The following ITGA9 variants were observed in gnomAD, a reference collection of about 807,000 sequenced individuals.
ITGA9 encodes the protein integrin subunit alpha 9, also known as integrin alpha-9.
In ITGA9, 56 loss-of-function variants were observed where a neutral mutation model predicts 127.8. That is an observed-to-expected ratio of 0.44 (90% CI 0.35 to 0.55). ITGA9 has a LOEUF of 0.55. Ranked by LOEUF, ITGA9 falls within the 20% of genes least tolerant of loss-of-function variation. The pLI, the probability that ITGA9 is intolerant of heterozygous loss-of-function variation, is 0.00. For missense variants in ITGA9, 1,196 were observed against 1,347.1 expected, an observed-to-expected ratio of 0.89 and a Z score of 1.76; for synonymous variants, 508 against 514.5, an observed-to-expected ratio of 0.99 and a Z score of 0.17.
intron 15 of ITGA9, among the ~76,000 whole-genome samples, chr3:37,588,910 A>G (rs1699786278): frequency 6.6e-6 from 1 of 152,180 alleles, no homozygotes; most frequent in African/African-American, 2.4e-5. Flanking sequence ...ATTCTGGAGC[A>G]TGAGGACCCA....
Position 37,821,048 on chromosome 3 carries a change from T to C in ITGA9, c.*2059T>C, listed in dbSNP as rs1697508546. 6.6e-6 allele frequency: 1 copy of C among 152,206 alleles called. No homozygotes were observed. Among genetic ancestry groups the C allele is most frequent in the Non-Finnish European group, 1.5e-5 (1 of 68,038 alleles). The allele number at this position is 152,206 out of a possible 1,614,324, so 9.4% of individuals were successfully genotyped here. Reference sequence around the variant, plus strand: ...AGCAGGTGTGTCTTTTGGTTTCTTATGCAGTTGACTCTGCTGCAGGGAGAT... The same window carrying C: ...AGCAGGTGTGTCTTTTGGTTTCTTACGCAGTTGACTCTGCTGCAGGGAGAT... On this transcript the variant is annotated 3_prime_UTR_variant, in exon 28 of 28. Transcript: ENST00000264741.
At chr3:37,609,248 G>A (rs1322943753) in intron 15 of ITGA9, among the ~76,000 whole-genome samples, 2 of 152,058 alleles carry the variant, frequency 1.3e-5, no homozygotes, top group African/African-American at 4.8e-5. Context: ...CTTTAATAGG[G>A]AAGGGTTTCT....
chr3:37,524,070 C>T lies in ITGA9; in HGVS notation c.1327+459C>T, dbSNP rs912986947. The stretch of plus-strand genomic sequence containing the variant: ...GTTAAAAGAAAACCAAGTCCTCTTG[C>T]GTGTGGACAAAGCAGACCTTCACCA... On this transcript the variant is annotated intron_variant, in intron 12 of 27. Transcript: ENST00000264741. Among the ~76,000 whole-genome samples, 7 of 152,120 alleles carry T rather than the reference C, an allele frequency of 4.6e-5. 1 individual carries two copies. The highest frequency in any genetic ancestry group is 3.9e-4 in the East Asian group (2 of 5,188).
At chr3:37,555,726 G>T (rs1699424602) in intron 15 of ITGA9, among the ~76,000 whole-genome samples, 1 of 152,208 alleles carries the variant, frequency 6.6e-6, no homozygotes, top group Non-Finnish European at 1.5e-5. Context: ...AGTTGCAAGT[G>T]TACCATGGAA....
chr3:37,600,353 T>C lies in ITGA9; in HGVS notation c.1690-28834T>C, dbSNP rs140137238. 4.2e-3 allele frequency among the ~76,000 whole-genome samples: 633 copies of C among 152,284 alleles called. 10 individuals carry two copies. Among genetic ancestry groups the C allele is most frequent in the African/African-American group, 0.014 (585 of 41,558 alleles). ...TCTGGTTATAGATTCTTAAGTGGGA[T>C]GTCAAGCCCCTTCCCTAATGATCTC... On this transcript the variant is annotated intron_variant, in intron 15 of 27. Transcript: ENST00000264741.
At chr3:37,633,602 A>G (rs1006718941) in intron 16 of ITGA9, among the ~76,000 whole-genome samples, 1 of 152,242 alleles carries the variant, frequency 6.6e-6, no homozygotes, top group Admixed American at 6.5e-5. Context: ...GACCTAAAGA[A>G]TATTTGAACT....
intron 5 of ITGA9, among the ~76,000 whole-genome samples, chr3:37,499,687 C>T (rs1455569008): frequency 6.6e-6 from 1 of 152,140 alleles, no homozygotes; most frequent in Admixed American, 6.5e-5. Context: ...CAGCCTCAGC[C>T]CTGAGGGTCG....
intron 15 of ITGA9, among the ~76,000 whole-genome samples, chr3:37,621,130 G>T (rs9874656): frequency 0.5 from 75,757 of 151,982 alleles, 19,476 homozygotes; most frequent in East Asian, 0.67. Context: ...GTCTCATGAG[G>T]TCTGATGCTT....
chr3:37,576,005 C>T (rs1213831024), intron 15 of ITGA9, among the ~76,000 whole-genome samples: 3 of 152,226 alleles, frequency 2.0e-5, no homozygotes, highest in African/African-American at 7.2e-5. Context: ...TGATGATTCT[C>T]AGAAGAAGCC....
intron 15 of ITGA9, among the ~76,000 whole-genome samples, chr3:37,594,735 T>C (rs1460957734): frequency 1.3e-5 from 2 of 152,202 alleles, no homozygotes; most frequent in Non-Finnish European, 2.9e-5. Flanking sequence ...CAACGCTTAA[T>C]AGAGTACTTA....
At chr3:37,476,767 T>C (rs1400324128) in intron 3 of ITGA9, among the ~76,000 whole-genome samples, 3 of 152,200 alleles carry the variant, frequency 2.0e-5, no homozygotes, top group Non-Finnish European at 4.4e-5. Context: ...TTATTACTTA[T>C]ATTGTGTGTA....
chr3:37,734,908 G>A (rs191450137), intron 19 of ITGA9, among the ~76,000 whole-genome samples: 1 of 152,328 alleles, frequency 6.6e-6, no homozygotes, highest in African/African-American at 2.4e-5. Context: ...AAGCAAGACT[G>A]ACTAAACCTG....
intron 15 of ITGA9, among the ~76,000 whole-genome samples, chr3:37,592,276 T>C (rs1365570986): frequency 2.6e-5 from 4 of 152,218 alleles, no homozygotes; most frequent in African/African-American, 4.8e-5. Flanking sequence ...ACTAGATGTT[T>C]GTTCATTGCT....
intron 22 of ITGA9, chr3:37,745,460 C>T (rs1696489238): frequency 6.6e-6 from 1 of 152,148 alleles, no homozygotes. Context: ...TTATTTTTCT[C>T]CTTTGCTTTT....
rs114976254 is a variant in ITGA9 at position 37,492,938 on chromosome 3, A to G, written c.545-1563A>G. On this transcript the variant is annotated intron_variant, in intron 4 of 27. Transcript: ENST00000264741. ...TTCTTGCTATTATGAAATTTGATGCAGGATTTGTTCATTGCTTTGCACTAG... is the reference window on the plus strand; with the variant it reads ...TTCTTGCTATTATGAAATTTGATGCGGGATTTGTTCATTGCTTTGCACTAG... 4.0e-3 allele frequency among the ~76,000 whole-genome samples: 616 copies of G among 152,336 alleles called. 5 individuals carry two copies. The highest frequency in any genetic ancestry group is 0.014 in the African/African-American group (580 of 41,570).
At chr3:37,577,510 C>G (rs774049644) in intron 15 of ITGA9, among the ~76,000 whole-genome samples, 1 of 152,236 alleles carries the variant, frequency 6.6e-6, no homozygotes, top group Non-Finnish European at 1.5e-5. Context: ...TCCCAGCCAT[C>G]TTCTGGTGCA....
chr3:37,744,297 T>C (rs17036873), intron 22 of ITGA9, among the ~76,000 whole-genome samples: 10,199 of 152,254 alleles, frequency 0.067, 651 homozygotes, highest in African/African-American at 0.15. Flanking sequence ...AAGCCCTCTG[T>C]GTGGTGGAGG....
intron 15 of ITGA9, among the ~76,000 whole-genome samples, chr3:37,613,554 G>A (rs1265203456): frequency 2.0e-5 from 3 of 152,186 alleles, no homozygotes; most frequent in Admixed American, 1.3e-4. Flanking sequence ...CTTCCACAAT[G>A]GTTGAACTAG....
At chr3:37,757,745 A>G (rs962066977) in intron 23 of ITGA9, among the ~76,000 whole-genome samples, 1 of 151,840 alleles carries the variant, frequency 6.6e-6, no homozygotes, top group African/African-American at 2.4e-5. Context: ...GTCCAACTAG[A>G]CTATCTTAGA....
Sources: allele counts gnomAD v4.1 joint callset (sites outside exome capture counted in the v4.1 genomes callset), GRCh38; gene constraint gnomAD v4.1.1; transcripts MANE v1.5; gene names NCBI Gene and HGNC (gene_info 2026-07-23, HGNC 2026-07-21).